Variants in HMCN1 observed in about 807,000 individuals in gnomAD.
HMCN1 encodes the protein hemicentin 1.
A neutral mutation model predicts 625.9 loss-of-function variants in HMCN1; 321 were observed. That is an observed-to-expected ratio of 0.51 (90% CI 0.47 to 0.56). The LOEUF (loss-of-function observed/expected upper bound fraction) is 0.56, where lower values mean the gene tolerates loss of function less well. Among genes scored for constraint, HMCN1 ranks in the 20% least tolerant of loss-of-function variants. HMCN1 has a pLI of 0.00. For synonymous variants in HMCN1, 2,425 were observed against 2,417.6 expected, an observed-to-expected ratio of 1.00 and a Z score of -0.09; for missense variants, 6,588 against 6,887.3, an observed-to-expected ratio of 0.96 and a Z score of 1.54.
At chr1:186,036,514 A>G (rs924067983) in intron 36 of HMCN1, among the ~76,000 whole-genome samples, 13 of 152,040 alleles carry the variant, frequency 8.6e-5, no homozygotes, top group African/African-American at 2.9e-4. Flanking sequence ...TTATCTACCA[A>G]TGGGTCCCTC....
intron 1 of HMCN1, among the ~76,000 whole-genome samples, chr1:185,736,898 T>C (rs1653613398): frequency 6.6e-6 from 1 of 152,220 alleles, no homozygotes; most frequent in African/African-American, 2.4e-5. Flanking sequence ...ATAAACTTAA[T>C]TGTGTGTATA....
intron 11 of HMCN1, among the ~76,000 whole-genome samples, chr1:185,951,622 C>T: frequency 6.6e-6 from 1 of 151,704 alleles, no homozygotes; most frequent in East Asian, 1.9e-4. Flanking sequence ...GCCAGAGTTC[C>T]AGGGGCTCTG....
At chr1:185,787,444 G>A (rs1021125751) in intron 1 of HMCN1, among the ~76,000 whole-genome samples, 6 of 152,244 alleles carry the variant, frequency 3.9e-5, no homozygotes, top group East Asian at 3.9e-4. Flanking sequence ...GCCCAGATAC[G>A]CCAGTTGACT....
At chr1:185,901,521 G>A (rs138955355) in intron 4 of HMCN1, among the ~76,000 whole-genome samples, 240 of 151,784 alleles carry the variant, frequency 1.6e-3, no homozygotes, top group African/African-American at 5.6e-3. Context: ...TACTGAAAAA[G>A]TAAATATTAA....
chr1:185,813,889 C>G (rs1214681875), intron 1 of HMCN1, among the ~76,000 whole-genome samples: 2 of 151,986 alleles, frequency 1.3e-5, no homozygotes, highest in African/African-American at 4.8e-5. Context: ...ACTGAAAAGT[C>G]AAGTTTAGAC....
intron 93 of HMCN1, among the ~76,000 whole-genome samples, chr1:186,150,632 TTGA>T (rs1650606455): frequency 1.3e-5 from 2 of 152,138 alleles, no homozygotes; most frequent in Admixed American, 6.6e-5. Flanking sequence ...AGCTGTTTTG[TTGA>T]TGAAGTCTCT....
intron 1 of HMCN1, among the ~76,000 whole-genome samples, chr1:185,826,427 G>A (rs192773109): frequency 1.7e-3 from 253 of 152,288 alleles, no homozygotes; most frequent in Non-Finnish European, 3.0e-3. Context: ...GGCAGTAGAC[G>A]TTGTAGATTA....
At chr1:185,986,156 A>AT (rs1195691638) in intron 19 of HMCN1, among the ~76,000 whole-genome samples, 3 of 152,128 alleles carry the variant, frequency 2.0e-5, no homozygotes, top group Non-Finnish European at 4.4e-5. Context: ...AGGGCTGGGG[A>AT]TTTGCTGGCA....
intron 40 of HMCN1, among the ~76,000 whole-genome samples, chr1:186,042,844 T>A (rs1446520535): frequency 6.6e-6 from 1 of 152,124 alleles, no homozygotes; most frequent in Non-Finnish European, 1.5e-5. Flanking sequence ...GCCTAATGAA[T>A]GTTAATTCCC....
intron 4 of HMCN1, among the ~76,000 whole-genome samples, chr1:185,868,944 A>G (rs1201329176): frequency 2.0e-5 from 3 of 152,198 alleles, no homozygotes; most frequent in Non-Finnish European, 2.9e-5. Context: ...AGCACTAGAG[A>G]GAAGCATTGC....
At chr1:186,090,446 T>C (rs1204557456) in intron 63 of HMCN1, among the ~76,000 whole-genome samples, 2 of 151,958 alleles carry the variant, frequency 1.3e-5, no homozygotes, top group African/African-American at 4.8e-5. Flanking sequence ...CTTGTGGTTC[T>C]TTAACTGTAC....
At chr1:185,934,840 G>T (rs978152273) in intron 11 of HMCN1, among the ~76,000 whole-genome samples, 1 of 152,084 alleles carries the variant, frequency 6.6e-6, no homozygotes, top group African/African-American at 2.4e-5. Flanking sequence ...CTAAATCTTA[G>T]AATGTTATTA....
At position 185,892,273 on chromosome 1, in the gene HMCN1, A is replaced by G. The variant is rs538603961; in HGVS notation, c.622-17064A>G. 3.8e-4 allele frequency among the ~76,000 whole-genome samples: 57 copies of G among 151,262 alleles called. No individual in the cohort carries two copies. The South Asian group carries it at 0.012, about 31-fold the overall frequency. On this transcript the variant is annotated intron_variant, in intron 4 of 106. Coordinates refer to ENST00000271588, the MANE Select transcript of HMCN1 (RefSeq NM_031935.3). ...CGGTTTGAATGTCCTCCCGTAGCTCAGAGTAATTTGATCATCTGAAGCCTT... is the reference window on the plus strand; with the variant it reads ...CGGTTTGAATGTCCTCCCGTAGCTCGGAGTAATTTGATCATCTGAAGCCTT...
intron 96 of HMCN1, among the ~76,000 whole-genome samples, chr1:186,153,405 TAAAAG>T (rs1415080948): frequency 6.6e-6 from 1 of 152,160 alleles, no homozygotes; most frequent in Non-Finnish European, 1.5e-5. Flanking sequence ...AGGCAATAAA[TAAAAG>T]AACATAGTGT....
At chr1:186,119,071 A>T in intron 77 of HMCN1, 120 bp from the exon 78 acceptor site, 1 of 745,840 alleles carries the variant, frequency 1.3e-6, no homozygotes, top group Non-Finnish European at 2.4e-6. Flanking sequence ...GGATACAAGT[A>T]TGAATATAAG....
At chr1:185,989,749 G>C in intron 21 of HMCN1, 102 bp downstream of exon 21, 2 of 951,022 alleles carry the variant, frequency 2.1e-6, no homozygotes, top group South Asian at 1.5e-5. Context: ...TACCCCTAAA[G>C]TGAACTGCTC....
chr1:185,820,511 GAAGT>G (rs1660120917), intron 1 of HMCN1, among the ~76,000 whole-genome samples: 2 of 152,064 alleles, frequency 1.3e-5, no homozygotes, highest in Non-Finnish European at 2.9e-5. Flanking sequence ...ATTTATAATA[GAAGT>G]AAGTGAAAGA....
chr1:185,869,161 C>G (rs1663453872), intron 4 of HMCN1, among the ~76,000 whole-genome samples: 1 of 152,132 alleles, frequency 6.6e-6, no homozygotes, highest in South Asian at 2.1e-4. Flanking sequence ...ACTGCTAAAC[C>G]TCTAGAGTTC....
rs143083965 is a variant in HMCN1, at chr1:186,103,437, T to C, written c.10574-35T>C. The stretch of plus-strand genomic sequence containing the variant: ...TAACGAGCAATATTTTATGAAACTG[T>C]GGGTTTATTATTATTTTTGATTCCC... On this transcript the variant is annotated intron_variant, in intron 68 of 106. Coordinates refer to ENST00000271588, the MANE Select transcript of HMCN1 (RefSeq NM_031935.3). The C allele has an allele frequency of 2.2e-4, 344 of 1,548,756 alleles. No individual in the cohort carries two copies. In the African/African-American group the frequency reaches 4.2e-3, roughly 19 times the overall value.
Sources: allele counts gnomAD v4.1 joint callset (sites outside exome capture counted in the v4.1 genomes callset), GRCh38; gene constraint gnomAD v4.1.1; transcripts MANE v1.5; gene names NCBI Gene and HGNC (gene_info 2026-07-23, HGNC 2026-07-21).